Variants in MTMR10 observed in about 807,000 individuals in gnomAD.
The protein encoded by MTMR10 is myotubularin-related protein 10.
MTMR10 carries 56 observed loss-of-function variants against 88.1 expected under a neutral mutation model. The ratio of observed to expected loss-of-function variants is 0.64; its 90% confidence interval spans 0.51 to 0.79. MTMR10 has a LOEUF of 0.79. MTMR10 is among the 30% of genes least tolerant of loss of function. The pLI is 0.00. For missense variants in MTMR10, 883 were observed against 924.7 expected (o/e 0.95, Z 0.58); for synonymous variants, 380 against 340.9 (o/e 1.11, Z -1.26).
intron 2 of MTMR10, among the ~76,000 whole-genome samples, chr15:30,987,637 T>C (rs1595953540): frequency 6.6e-6 from 1 of 152,206 alleles, no homozygotes; most frequent in South Asian, 2.1e-4. Flanking sequence ...CAAGGCATTA[T>C]GCCAAAGCAA....
chr15:30,982,078 AAAAG>A (rs1458970583), intron 2 of MTMR10, among the ~76,000 whole-genome samples: 3 of 146,746 alleles, frequency 2.0e-5, no homozygotes, highest in African/African-American at 7.7e-5. Context: ...CTCAAAAAAA[AAAAG>A]AAAAGAAAAA....
At chr15:30,922,351 A>G in the MTMR10 span, 1 of 1,599,986 alleles carries the variant, frequency 6.3e-7, no homozygotes, top group African/African-American at 1.4e-5. Flanking sequence ...AGCGCCTGGA[A>G]CCGGTACTCA....
intron 4 of MTMR10, 69 bp from the exon 5 acceptor site, chr15:30,974,525 A>C (rs2029968299): frequency 1.5e-6 from 2 of 1,303,608 alleles, no homozygotes; most frequent in East Asian, 5.2e-5. Context: ...CTTTAATACA[A>C]ATTCTTAGTG....
At chr15:30,957,449 G>A (rs2063342870) in intron 9 of MTMR10, among the ~76,000 whole-genome samples, 1 of 152,222 alleles carries the variant, frequency 6.6e-6, no homozygotes, top group Admixed American at 6.5e-5. Flanking sequence ...TGAGCCGGGT[G>A]CAGTGGCTCA....
At chr15:30,987,753 T>C (rs1161464858) in intron 2 of MTMR10, among the ~76,000 whole-genome samples, 1 of 151,954 alleles carries the variant, frequency 6.6e-6, no homozygotes, top group Non-Finnish European at 1.5e-5. Context: ...CATAGGTATA[T>C]ACGTGCCATG....
rs368415691 is a variant in MTMR10, at chr15:30,946,599, A to G, written c.1548+531T>C. The G allele has an allele frequency of 9.2e-5, 58 of 630,772 alleles. 1 individual carries two copies. Among genetic ancestry groups the G allele is most frequent in the East Asian group, 5.5e-4 (20 of 36,508 alleles). The allele number at this position is 630,772 out of a possible 1,614,324, so 39.1% of individuals were successfully genotyped here. On this transcript the variant is annotated intron_variant, in intron 14 of 15. Coordinates refer to ENST00000435680, the MANE Select transcript of MTMR10 (RefSeq NM_017762.3). ...TGTTTCTCTCAATGGTCTCCACGGC[A>G]TTTGTCAGCTTCTGTTGTTGGTTCG...
chr15:30,919,781 C>T, the MTMR10 span, among the ~76,000 whole-genome samples: 2 of 151,874 alleles, frequency 1.3e-5, no homozygotes, highest in African/African-American at 4.8e-5. Context: ...AGGTCTTCAT[C>T]CTTGTTGTCT....
chr15:30,941,805 C>T lies in MTMR10; in HGVS notation c.1999G>A (p.Glu667Lys), dbSNP rs200502561. The T allele has an allele frequency of 3.4e-5, 55 of 1,613,856 alleles. No individual in the cohort carries two copies. The highest frequency in any genetic ancestry group is 2.5e-5 in the Non-Finnish European group (30 of 1,179,898). ...WKLCYFRWVPEAQISLGGSIT... is the reference protein window; with the variant it reads ...WKLCYFRWVPKAQISLGGSIT... ...GAGCCACCCAGGCTGATCTGGGCCT[C>T]GGGAACCCAGCGGAAGTAGCACAGT... is the stretch of plus-strand genomic sequence containing the variant. Residue 667 changes from glutamate to lysine, a missense_variant, in exon 16 of 16, where the codon GAG (glutamate) becomes AAG (lysine). By Grantham distance (56) the Glu-to-Lys change is moderately conservative. Around this residue, in one of 3 missense-constraint regions of MTMR10, gnomAD observed 343 missense variants for 323.2 expected, o/e 1.06. Transcript: ENST00000435680.
At chr15:30,943,465 G>A (rs2063117728) in intron 14 of MTMR10, 1 of 985,290 alleles carries the variant, frequency 1.0e-6, no homozygotes, top group African/African-American at 1.7e-5. Context: ...TTACCTGTTG[G>A]TAAGTGGATT....
At chr15:30,951,944 G>A in intron 12 of MTMR10, 24 bp downstream of exon 12, 7 of 1,596,212 alleles carry the variant, frequency 4.4e-6, no homozygotes, top group Middle Eastern at 1.7e-4. Context: ...TGGTCATGGT[G>A]CTTTCAGGAG....
Position 30,974,452 on chromosome 15 carries a change from G to T in MTMR10, c.336C>A (p.Asn112Lys). Residue 112 changes from asparagine (N) to lysine (K), a missense_variant, in exon 5 of 16, where the codon AAC (asparagine) becomes AAA (lysine). By Grantham distance (94) the Asn-to-Lys change is moderately conservative. Transcript: ENST00000435680. ...LTCIEQIVTV[N>K]DHKRKQKVLG... is the part of the protein sequence containing the mutation. Reference sequence around the variant, plus strand: ...GGACTTTCTGCTTCCTCTTGTGGTCGTTTACTAAAAAAGAAAAAAAAATAG... The same window carrying T: ...GGACTTTCTGCTTCCTCTTGTGGTCTTTTACTAAAAAAGAAAAAAAAATAG... The T allele has an allele frequency of 6.6e-7, 1 of 1,509,992 alleles. No individual in the cohort carries two copies. Among genetic ancestry groups the T allele is most frequent in the Non-Finnish European group, 8.9e-7 (1 of 1,127,178 alleles). The allele number at this position is 1,509,992 out of a possible 1,614,324, so 93.5% of individuals were successfully genotyped here.
intron 2 of MTMR10, among the ~76,000 whole-genome samples, chr15:30,987,969 T>C (rs2031061381): frequency 6.6e-6 from 1 of 151,546 alleles, no homozygotes; most frequent in South Asian, 2.1e-4. Flanking sequence ...CCACAGGTGA[T>C]GTGGCCAGGT....
chr15:30,918,906 C>T, the MTMR10 span, among the ~76,000 whole-genome samples: 2 of 152,066 alleles, frequency 1.3e-5, no homozygotes, highest in Non-Finnish European at 2.9e-5. Context: ...GGTACCGACC[C>T]CTCAGACAGT....
chr15:30,963,954 T>C (rs2063441491), intron 6 of MTMR10, among the ~76,000 whole-genome samples: 1 of 151,988 alleles, frequency 6.6e-6, no homozygotes, highest in Non-Finnish European at 1.5e-5. Context: ...AAAGGCTATA[T>C]GAATGACTAG....
chr15:30,925,156 G>T, the MTMR10 span: 1 of 1,613,882 alleles, frequency 6.2e-7, no homozygotes, highest in Admixed American at 1.7e-5. Context: ...AGGGGCTGGC[G>T]GATCCGGAAG....
the MTMR10 span, among the ~76,000 whole-genome samples, chr15:30,921,137 G>A: frequency 6.6e-6 from 1 of 152,180 alleles, no homozygotes; most frequent in Non-Finnish European, 1.5e-5. Context: ...GCAGCCCGCT[G>A]TCTCTTGGAT....
intron 2 of MTMR10, among the ~76,000 whole-genome samples, chr15:30,981,663 G>A (rs563283166): frequency 6.6e-6 from 1 of 152,298 alleles, no homozygotes; most frequent in East Asian, 1.9e-4. Context: ...ACATTTTTAA[G>A]TCAATTTGAT....
In MTMR10 at chr15:30,976,905, C is replaced by T. The variant is rs2030193756; in HGVS notation, c.172G>A (p.Asp58Asn). Residue 58 changes from aspartate (D) to asparagine (N), a missense_variant, in exon 3 of 16, where the codon GAC becomes AAC. Asp to Asn is a conservative substitution (Grantham distance 23). Coordinates refer to ENST00000435680, the MANE Select transcript of MTMR10 (RefSeq NM_017762.3). ...VNFVRKCIATDTSQYDLWGKL... is the reference protein window; with the variant it reads ...VNFVRKCIATNTSQYDLWGKL... ...CCCCACAAATCGTACTGGCTTGTGT[C>T]TGTTGCAATGCATTTTCTCACAAAA... The T allele has an allele frequency of 6.2e-7, 1 of 1,613,612 alleles. No individual in the cohort carries two copies. Among genetic ancestry groups the T allele is most frequent in the African/African-American group, 1.3e-5 (1 of 74,924 alleles).
rs745498682 is a variant in MTMR10 at position 30,941,362 on chromosome 15, T to G, written c.*108A>C. The G allele has an allele frequency of 1.6e-4, 253 of 1,537,418 alleles. No individual in the cohort carries two copies. The highest frequency in any genetic ancestry group is 2.0e-4 in the Non-Finnish European group (231 of 1,144,654). ...AAATATTAGTGCAAATTCCAACTAT[T>G]ATTCTTACATATAAAGTTATTAGAG... On this transcript the variant is annotated 3_prime_UTR_variant, in exon 16 of 16. Coordinates refer to ENST00000435680, the MANE Select transcript of MTMR10 (RefSeq NM_017762.3).
Sources: allele counts gnomAD v4.1 joint callset (sites outside exome capture counted in the v4.1 genomes callset), GRCh38; gene constraint gnomAD v4.1.1; regional missense constraint gnomAD v4.1.1; transcripts MANE v1.5; gene names NCBI Gene and HGNC (gene_info 2026-07-23, HGNC 2026-07-21).